The following IDH1 variants were observed in gnomAD, a reference collection of about 807,000 sequenced individuals.
IDH1 encodes the protein isocitrate dehydrogenase [NADP] cytoplasmic.
A neutral mutation model predicts 46.1 loss-of-function variants in IDH1; 33 were observed. That is an observed-to-expected ratio of 0.72 (90% CI 0.54 to 0.96). The LOEUF (loss-of-function observed/expected upper bound fraction) is 0.96. IDH1 is among the 40% of genes least tolerant of loss of function. IDH1 has a pLI of 0.00. For synonymous variants in IDH1, 144 were observed against 172.8 expected, an observed-to-expected ratio of 0.83 and a Z score of 1.31; for missense variants, 421 against 515.7, an observed-to-expected ratio of 0.82 and a Z score of 1.78.
chr2:208,252,662 A>G (rs528928825), intron 2 of IDH1, among the ~76,000 whole-genome samples: 34 of 152,368 alleles, frequency 2.2e-4, no homozygotes, highest in African/African-American at 6.3e-4. Flanking sequence ...AAGAATTATT[A>G]GATAAGAAGC....
At chr2:208,252,287 G>A (rs1688139370) in intron 2 of IDH1, among the ~76,000 whole-genome samples, 1 of 152,226 alleles carries the variant, frequency 6.6e-6, no homozygotes, top group Admixed American at 6.5e-5. Flanking sequence ...ATACAGTAGG[G>A]CCACTGCCCA....
chr2:208,239,029 A>C, intron 9 of IDH1, 42 bp downstream of exon 9: 1 of 1,545,360 alleles, frequency 6.5e-7, no homozygotes, highest in South Asian at 1.1e-5. Flanking sequence ...AGTGAGGATA[A>C]GTGTTAATTT....
chr2:208,244,426 GTTA>G (rs1366827294), intron 5 of IDH1, among the ~76,000 whole-genome samples: 1 of 152,290 alleles, frequency 6.6e-6, no homozygotes, highest in East Asian at 1.9e-4. Flanking sequence ...TCAATCCTCA[GTTA>G]TTGAGAAAAA....
At chr2:208,254,772 T>C (rs1688184409) in intron 1 of IDH1, among the ~76,000 whole-genome samples, 167 bp downstream of exon 1, 1 of 151,970 alleles carries the variant, frequency 6.6e-6, no homozygotes, top group Non-Finnish European at 1.5e-5. Context: ...CCTTTTCTTT[T>C]CCCATTCTCA....
intron 9 of IDH1, among the ~76,000 whole-genome samples, chr2:208,237,659 G>T (rs144283708): frequency 2.0e-5 from 3 of 151,616 alleles, no homozygotes; most frequent in African/African-American, 7.3e-5. Flanking sequence ...GGTGGCTCAC[G>T]CCTATAATCC....
At chr2:208,238,240 T>C (rs1463771800) in intron 9 of IDH1, among the ~76,000 whole-genome samples, 3 of 152,028 alleles carry the variant, frequency 2.0e-5, no homozygotes, top group African/African-American at 7.2e-5. Context: ...TTTCACTGTG[T>C]TAGCCAGGAT....
intron 6 of IDH1, 32 bp from the exon 7 acceptor site, chr2:208,242,177 TAAAG>T (rs778168552): frequency 2.5e-6 from 4 of 1,604,554 alleles, no homozygotes; most frequent in Admixed American, 1.7e-5. Context: ...AGAATAATAA[TAAAG>T]AAAATTGATT....
intron 5 of IDH1, 105 bp downstream of exon 5, chr2:208,245,214 G>T (rs2124856599): frequency 1.4e-6 from 1 of 715,998 alleles, no homozygotes. Flanking sequence ...TGTAGATTCA[G>T]ATTATATTTT....
chr2:208,250,598 C>T (rs1163739606), intron 3 of IDH1, among the ~76,000 whole-genome samples: 5 of 152,102 alleles, frequency 3.3e-5, no homozygotes, highest in Admixed American at 3.3e-4. Context: ...AGCCACTTTA[C>T]CCTTTTAAAA....
chr2:208,245,289 AAAAG>A, intron 5 of IDH1, 26 bp downstream of exon 5: 1 of 1,101,448 alleles, frequency 9.1e-7, no homozygotes, highest in South Asian at 1.3e-5. Context: ...GTTTAAAAAA[AAAAG>A]AAGCTTATGC....
rs200718328 is a variant in IDH1 at position 208,239,181 on chromosome 2, G to C, written c.1044C>G (p.Asn348Lys). Reference sequence around the variant, plus strand: ...TTGCAAAGAAGGCAAGCTCTTTATTGTTATCAAGCTTTGCTCTGTGGGCTA... The same window carrying C: ...TTGCAAAGAAGGCAAGCTCTTTATTCTTATCAAGCTTTGCTCTGTGGGCTA... ...RGLAHRAKLD[N>K]NKELAFFANA... Residue 348 changes from asparagine to lysine, a missense_variant, in exon 9 of 10, where the codon AAC becomes AAG. Transcript: ENST00000345146. 1 of 1,614,046 alleles carries C rather than the reference G, an allele frequency of 6.2e-7. No individual in the cohort carries two copies. The highest frequency in any genetic ancestry group is 8.5e-7 in the Non-Finnish European group (1 of 1,179,982).
In IDH1 at chr2:208,251,521, C is replaced by T. The variant is rs2124868347; in HGVS notation, c.31G>A (p.Val11Ile). Residue 11 changes from valine to isoleucine, a missense_variant, in exon 3 of 10, where the codon GTA (valine) becomes ATA (isoleucine). Physicochemically the swap from Val to Ile is conservative, Grantham distance 29. Transcript: ENST00000345146. Reference protein sequence around the residue: MSKKISGGSVVEMQGDEMTRI... With the variant: MSKKISGGSVIEMQGDEMTRI... Reference sequence around the variant, plus strand: ...GTCATTTCATCTCCTTGCATCTCTACCACAGAACCGCCACTGATTTTTTTG... The same window carrying T: ...GTCATTTCATCTCCTTGCATCTCTATCACAGAACCGCCACTGATTTTTTTG... The T allele has an allele frequency of 1.2e-6, 2 of 1,613,826 alleles. No individual in the cohort carries two copies. Among genetic ancestry groups the T allele is most frequent in the Non-Finnish European group, 1.7e-6 (2 of 1,179,888 alleles).
chr2:208,238,093 TGGCACCATCTC>T (rs1401769937), intron 9 of IDH1, among the ~76,000 whole-genome samples: 1 of 149,758 alleles, frequency 6.7e-6, no homozygotes, highest in Non-Finnish European at 1.5e-5. Flanking sequence ...TGGAGTGCAG[TGGCACCATCTC>T]GGCTCACTGC....
chr2:208,248,465 C>G lies in IDH1; in HGVS notation c.318G>C (p.Thr106=), dbSNP rs763562621. Reference sequence around the variant, plus strand: ...TGCAGATAATGGCTTCTCTGAAGACCGTGCCACCCAGAATATTTCGTATGG... The same window carrying G: ...TGCAGATAATGGCTTCTCTGAAGACGGTGCCACCCAGAATATTTCGTATGG... ...NGTIRNILGG[T]VFREAIICKN... Residue 106 remains threonine (T), a synonymous_variant, in exon 4 of 10, where the codon ACG becomes ACC. Coordinates refer to ENST00000345146, the MANE Select transcript of IDH1 (RefSeq NM_005896.4). 3.1e-6 allele frequency: 5 copies of G among 1,613,924 alleles called. No individual in the cohort carries two copies. The highest frequency in any genetic ancestry group is 2.7e-5 in the African/African-American group (2 of 74,918).
rs534314615 is a variant in IDH1 at position 208,237,315 on chromosome 2, T to C, written c.1155-146A>G. ...TCATGTTAGTAAGCTACAAAATCTA[T>C]AGACAATGACTATGTTCAGGGTTCC... is the stretch of plus-strand genomic sequence containing the variant. On this transcript the variant is annotated intron_variant, in intron 9 of 9. Coordinates refer to ENST00000345146, the MANE Select transcript of IDH1 (RefSeq NM_005896.4). 1.3e-5 allele frequency: 9 copies of C among 671,886 alleles called. 1 individual carries two copies. In the African/African-American group the frequency reaches 1.4e-4, roughly 11 times the overall value. The allele number at this position is 671,886 out of a possible 1,614,324, so 41.6% of individuals were successfully genotyped here. A position where few individuals can be genotyped will look rare whatever the true frequency, so the allele number is the denominator to read the frequency against.
rs1194981964 is a variant in IDH1, at chr2:208,248,350, T to C, written c.414+19A>G. 6.2e-7 allele frequency: 1 copy of C among 1,611,434 alleles called. No individual in the cohort carries two copies. The highest frequency in any genetic ancestry group is 1.7e-5 in the Admixed American group (1 of 60,008). On this transcript the variant is annotated intron_variant, in intron 4 of 9. Transcript: ENST00000345146. The stretch of plus-strand genomic sequence containing the variant: ...AAAAAAAAAACATGCAAAATCACAT[T>C]ATTGCCAACATGACTTACTTGATCC...
At chr2:208,244,103 G>A (rs193274457) in intron 5 of IDH1, among the ~76,000 whole-genome samples, 527 of 152,244 alleles carry the variant, frequency 3.5e-3, no homozygotes, top group African/African-American at 0.012. Flanking sequence ...GTGAGTTCTC[G>A]CTCAGTTAAT....
chr2:208,239,564 G>A lies in IDH1; in HGVS notation c.991+299C>T, dbSNP rs549200589. Among the ~76,000 whole-genome samples, 6 of 152,238 alleles carry A rather than the reference G, an allele frequency of 3.9e-5. No individual in the cohort carries two copies. The South Asian group carries it at 1.2e-3, about 32-fold the overall frequency. On this transcript the variant is annotated intron_variant, in intron 8 of 9. Coordinates refer to ENST00000345146, the MANE Select transcript of IDH1 (RefSeq NM_005896.4). ...TTTTGAAGTGCTATCTTTGAAACTT[G>A]TTAAAAGGATCTATCCATGTGACTT...
chr2:208,242,855 C>T (rs1687946371), intron 6 of IDH1, among the ~76,000 whole-genome samples: 1 of 151,838 alleles, frequency 6.6e-6, no homozygotes, highest in African/African-American at 2.4e-5. Context: ...ACCTCCGCCT[C>T]CCGGGTTCAC....
Sources: gnomAD v4.1 joint callset for allele counts (sites outside exome capture counted in the v4.1 genomes callset) on GRCh38, gnomAD v4.1.1 for gene constraint, MANE v1.5 for transcripts, NCBI Gene and HGNC (gene_info 2026-07-23, HGNC 2026-07-21) for gene names.